The following PTPRQ variants were observed in gnomAD, a reference collection of about 807,000 sequenced individuals.
PTPRQ encodes the protein protein tyrosine phosphatase receptor type Q.
Under a neutral mutation model 246.0 loss-of-function variants are expected in PTPRQ, and 199 were observed. The ratio of observed to expected loss-of-function variants is 0.81; its 90% CI spans 0.72 to 0.91. The LOEUF (loss-of-function observed/expected upper bound fraction) is 0.91, where lower values mean the gene tolerates loss of function less well. Ranked by LOEUF, PTPRQ falls within the 40% of genes least tolerant of loss-of-function variation. The pLI is 0.00. For missense variants in PTPRQ, 2,624 were observed against 2,528.4 expected, an observed-to-expected ratio of 1.04 and a Z score of -0.81; for synonymous variants, 869 against 853.2, an observed-to-expected ratio of 1.02 and a Z score of -0.32.
At chr12:80,493,674 G>A (rs1045455283) in intron 10 of PTPRQ, among the ~76,000 whole-genome samples, 1 of 151,974 alleles carries the variant, frequency 6.6e-6, no homozygotes, top group Non-Finnish European at 1.5e-5. Context: ...CCTGGAGAAA[G>A]TAGCACCCTA....
intron 8 of PTPRQ, among the ~76,000 whole-genome samples, chr12:80,473,035 ACTCACACACACG>A (rs1411134944): frequency 1.9e-5 from 2 of 106,280 alleles, no homozygotes; most frequent in African/African-American, 6.0e-5. Flanking sequence ...ACACACACAC[ACTCACACACACG>A]CACACACACA....
Position 80,568,995 on chromosome 12 carries a change from A to T in PTPRQ, c.4286-19134A>T, listed in dbSNP as rs552818825. On this transcript the variant is annotated intron_variant, in intron 25 of 44. Transcript: ENST00000644991. ...ACCATAGTAACAAAAATTCAAGCAC[A>T]TTGGAATGTGCAAAGGACTGACTTA... is the stretch of plus-strand genomic sequence containing the variant. 9.9e-4 allele frequency among the ~76,000 whole-genome samples: 150 copies of T among 152,264 alleles called. 1 individual carries two copies. The highest frequency in any genetic ancestry group is 3.5e-3 in the African/African-American group (147 of 41,558).
chr12:80,628,227 A>G (rs745807168), intron 33 of PTPRQ, among the ~76,000 whole-genome samples: 11 of 152,286 alleles, frequency 7.2e-5, no homozygotes, highest in Non-Finnish European at 1.6e-4. Context: ...AAAATACTTT[A>G]GGTGATACAT....
At chr12:80,551,513 C>T (rs189333133) in intron 25 of PTPRQ, among the ~76,000 whole-genome samples, 36 of 152,244 alleles carry the variant, frequency 2.4e-4, no homozygotes, top group Admixed American at 6.6e-4. Context: ...TTGGTTCTAA[C>T]ATACAATTAG....
chr12:80,454,489 G>C (rs1359256538), intron 3 of PTPRQ: 1 of 702,440 alleles, frequency 1.4e-6, no homozygotes, highest in South Asian at 1.5e-5. Flanking sequence ...CTCTGGCTAG[G>C]CCTTCCAGTA....
chr12:80,546,474 G>A (rs1896308426), intron 23 of PTPRQ, 82 bp from the exon 24 acceptor site: 1 of 1,301,960 alleles, frequency 7.7e-7, no homozygotes, highest in South Asian at 1.4e-5. Flanking sequence ...AAATATAAAA[G>A]GAATAACTTC....
At position 80,679,260 on chromosome 12, in the gene PTPRQ, A is replaced by T; in HGVS notation, c.*237A>T. Reference sequence around the variant, plus strand: ...GCATTTTAAATGCTTAAGAAAAGACATCCCATATGTTTTTGAAGTCCTCCA... The same window carrying T: ...GCATTTTAAATGCTTAAGAAAAGACTTCCCATATGTTTTTGAAGTCCTCCA... On this transcript the variant is annotated 3_prime_UTR_variant, in exon 45 of 45. Coordinates refer to ENST00000644991, the MANE Select transcript of PTPRQ (RefSeq NM_001145026.2). The T allele has an allele frequency of 2.7e-6, 1 of 375,676 alleles. No homozygotes were observed. Among genetic ancestry groups the T allele is most frequent in the Non-Finnish European group, 4.5e-6 (1 of 222,042 alleles). 23.3% of individuals were successfully genotyped at this position (375,676 alleles called of 1,614,324 possible).
chr12:80,521,802 C>G (rs1265010661), intron 17 of PTPRQ, among the ~76,000 whole-genome samples: 2 of 152,112 alleles, frequency 1.3e-5, no homozygotes, highest in East Asian at 1.9e-4. Context: ...AGCGTGATGC[C>G]TCCAGCTTCA....
intron 39 of PTPRQ, among the ~76,000 whole-genome samples, chr12:80,660,995 T>C (rs1327772313): frequency 9.4e-6 from 1 of 106,946 alleles, no homozygotes; most frequent in Non-Finnish European, 1.8e-5. Context: ...GTATATTTCC[T>C]CTTATCTTAG....
At chr12:80,450,658 T>C (rs7953299) in intron 3 of PTPRQ, among the ~76,000 whole-genome samples, 14,548 of 151,978 alleles carry the variant, frequency 0.096, 1,487 homozygotes, top group African/African-American at 0.25. Context: ...GTCTTTGATT[T>C]TGTTTATGTG....
At chr12:80,551,312 C>T (rs1040600568) in intron 25 of PTPRQ, among the ~76,000 whole-genome samples, 2 of 152,118 alleles carry the variant, frequency 1.3e-5, no homozygotes, top group Admixed American at 1.3e-4. Context: ...ATCTCTTCTA[C>T]ATACAATCAG....
At chr12:80,481,347 A>G (rs1455019205) in intron 8 of PTPRQ, among the ~76,000 whole-genome samples, 2 of 152,214 alleles carry the variant, frequency 1.3e-5, no homozygotes, top group South Asian at 2.1e-4. Context: ...AAAACTCTCA[A>G]TAAATTAGGT....
At chr12:80,582,857 CAAAACA>C (rs544734524) in intron 25 of PTPRQ, among the ~76,000 whole-genome samples, 9 of 151,872 alleles carry the variant, frequency 5.9e-5, no homozygotes, top group African/African-American at 9.7e-5. Flanking sequence ...CTTGTCAAAA[CAAAACA>C]AAAACAAAAA....
rs117599050 is a variant in PTPRQ, at chr12:80,491,382, T to C, written c.1360-1893T>C. On this transcript the variant is annotated intron_variant, in intron 9 of 44. Coordinates refer to ENST00000644991, the MANE Select transcript of PTPRQ (RefSeq NM_001145026.2). ...GCAACACCAGAGCTTCTCTGAGTTA[T>C]GTGTTTGTGATTCCTGCCCTCCCTA... 4.1e-3 allele frequency among the ~76,000 whole-genome samples: 621 copies of C among 152,114 alleles called. 2 individuals carry two copies. The highest frequency in any genetic ancestry group is 5.9e-3 in the Non-Finnish European group (400 of 67,918).
At chr12:80,657,089 A>T (rs1221353370) in intron 38 of PTPRQ, among the ~76,000 whole-genome samples, 2 of 151,904 alleles carry the variant, frequency 1.3e-5, no homozygotes, top group Non-Finnish European at 2.9e-5. Flanking sequence ...AGACAAATTC[A>T]TGGACAAATG....
chr12:80,463,568 G>T (rs1403223243), intron 6 of PTPRQ, among the ~76,000 whole-genome samples: 13 of 151,982 alleles, frequency 8.6e-5, no homozygotes, highest in African/African-American at 2.4e-4. Context: ...ATAATTGTCA[G>T]ATTCACCAAA....
chr12:80,467,089 A>C (rs1384511677), intron 6 of PTPRQ, among the ~76,000 whole-genome samples: 2 of 152,238 alleles, frequency 1.3e-5, no homozygotes, highest in Non-Finnish European at 2.9e-5. Context: ...AATGGGAGAA[A>C]ATTTTCACAA....
chr12:80,655,408 T>C (rs1477861766), intron 38 of PTPRQ, among the ~76,000 whole-genome samples: 1 of 152,178 alleles, frequency 6.6e-6, no homozygotes, highest in African/African-American at 2.4e-5. Context: ...ATAGATCATT[T>C]CCTTTTAAGA....
chr12:80,516,917 T>C (rs556973097), intron 17 of PTPRQ, among the ~76,000 whole-genome samples: 3 of 152,312 alleles, frequency 2.0e-5, no homozygotes, highest in East Asian at 1.9e-4. Context: ...AGTAGCATTA[T>C]AGACATGGAG....
Sources: allele counts gnomAD v4.1 joint callset (sites outside exome capture counted in the v4.1 genomes callset), GRCh38; gene constraint gnomAD v4.1.1; transcripts MANE v1.5; gene names NCBI Gene and HGNC (gene_info 2026-07-23, HGNC 2026-07-21).